CPNE4: variants seen among roughly 807,000 people sequenced by gnomAD.
CPNE4 encodes the protein copine-4.
In CPNE4, 25 loss-of-function variants were observed where a neutral mutation model predicts 67.9. That is an observed-to-expected ratio of 0.37 (90% CI 0.27 to 0.51). The LOEUF (loss-of-function observed/expected upper bound fraction) is 0.51, where lower values mean the gene tolerates loss of function less well. Ranked by LOEUF, CPNE4 falls within the 20% of genes least tolerant of loss-of-function variation. The probability of loss-of-function intolerance (pLI) is 0.93; values close to 1 mark genes in which losing one functional copy is unlikely to be tolerated. For synonymous variants in CPNE4, 242 were observed against 244.9 expected, an observed-to-expected ratio of 0.99 and a Z score of 0.11; for missense variants, 464 against 690.8, an observed-to-expected ratio of 0.67 and a Z score of 3.68.
At chr3:131,599,245 A>C (rs1470559845) in intron 7 of CPNE4, among the ~76,000 whole-genome samples, 1 of 152,250 alleles carries the variant, frequency 6.6e-6, no homozygotes, top group Non-Finnish European at 1.5e-5. Context: ...AAATAATACC[A>C]AATATATATC....
chr3:131,557,472 A>G (rs1936521281), intron 11 of CPNE4, among the ~76,000 whole-genome samples: 1 of 152,058 alleles, frequency 6.6e-6, no homozygotes, highest in Non-Finnish European at 1.5e-5. Flanking sequence ...GATGGTTTTG[A>G]CAAAACTTTA....
intron 7 of CPNE4, among the ~76,000 whole-genome samples, chr3:131,653,746 G>C (rs1253018711): frequency 6.6e-6 from 1 of 152,164 alleles, no homozygotes; most frequent in Non-Finnish European, 1.5e-5. Context: ...CCAGGTCTTT[G>C]CACATGCGTT....
intron 2 of CPNE4, among the ~76,000 whole-genome samples, chr3:131,831,895 C>T (rs1182811023): frequency 6.6e-6 from 1 of 152,108 alleles, no homozygotes; most frequent in Non-Finnish European, 1.5e-5. Context: ...TAAAATAGAG[C>T]AAATAGTGCC....
chr3:131,818,233 A>T (rs2084824161), intron 2 of CPNE4, among the ~76,000 whole-genome samples: 1 of 152,168 alleles, frequency 6.6e-6, no homozygotes. Flanking sequence ...CCCTCAACAC[A>T]TGCTTGGGTA....
At chr3:131,665,725 G>C (rs1228672915) in intron 7 of CPNE4, among the ~76,000 whole-genome samples, 3 of 151,642 alleles carry the variant, frequency 2.0e-5, no homozygotes, top group African/African-American at 7.3e-5. Flanking sequence ...AAAGTTAATG[G>C]GAAAATCACT....
intron 2 of CPNE4, among the ~76,000 whole-genome samples, chr3:131,869,884 C>T (rs1454518141): frequency 6.6e-6 from 1 of 151,938 alleles, no homozygotes; most frequent in Non-Finnish European, 1.5e-5. Context: ...ATACAATAGG[C>T]CTTTCTCTCA....
chr3:131,739,179 G>T (rs1033089184), intron 2 of CPNE4, among the ~76,000 whole-genome samples: 2 of 152,160 alleles, frequency 1.3e-5, no homozygotes, highest in African/African-American at 2.4e-5. Flanking sequence ...AAGCTCACCT[G>T]CAGAGCCAAA....
chr3:131,561,088 A>G (rs80108611), intron 11 of CPNE4, among the ~76,000 whole-genome samples: 4,175 of 152,134 alleles, frequency 0.027, 64 homozygotes, highest in Middle Eastern at 0.051. Context: ...TTGGTTTCTG[A>G]TATCTGTCTC....
rs527759224 is a variant in CPNE4 at position 131,963,660 on chromosome 3, G to A, written c.-1-58216C>T. ...AAAACTCACCGCAGGGCAGCGAAGC[G>A]GCTGTGGCCAGGCTGCCTCTCTAGA... On this transcript the variant is annotated intron_variant, in intron 1 of 15. Coordinates refer to ENST00000429747, the MANE Select transcript of CPNE4 (RefSeq NM_130808.3). 1.1e-4 allele frequency among the ~76,000 whole-genome samples: 16 copies of A among 152,284 alleles called. No individual in the cohort carries two copies. The East Asian group carries it at 2.1e-3, about 20-fold the overall frequency.
At chr3:131,913,478 G>C (rs559948142) in intron 1 of CPNE4, among the ~76,000 whole-genome samples, 4 of 152,244 alleles carry the variant, frequency 2.6e-5, no homozygotes, top group African/African-American at 9.6e-5. Flanking sequence ...TGTGCATGTG[G>C]ACAACCCACT....
intron 12 of CPNE4, 114 bp from the exon 13 acceptor site, chr3:131,552,605 G>T: frequency 1.4e-6 from 1 of 739,516 alleles, no homozygotes; most frequent in Non-Finnish European, 2.3e-6. Context: ...TATTCATTAT[G>T]TGTTAAGCAG....
At chr3:131,864,640 T>G (rs199906115) in intron 2 of CPNE4, among the ~76,000 whole-genome samples, 10,539 of 150,486 alleles carry the variant, frequency 0.07, 497 homozygotes, top group East Asian at 0.15. Context: ...TATACAGTCA[T>G]GCCATCTGCA....
At chr3:132,020,394 T>C (rs2107688324) in intron 1 of CPNE4, among the ~76,000 whole-genome samples, 1 of 152,274 alleles carries the variant, frequency 6.6e-6, no homozygotes, top group African/African-American at 2.4e-5. Context: ...CGTGCCTCCC[T>C]CTAAAATGTC....
intron 7 of CPNE4, among the ~76,000 whole-genome samples, chr3:131,653,777 T>C (rs1251945768): frequency 6.6e-6 from 1 of 152,230 alleles, no homozygotes; most frequent in Non-Finnish European, 1.5e-5. Context: ...GCTTAGACAC[T>C]TGAAGTAGGA....
chr3:131,956,569 T>TAAA (rs2071978947), intron 1 of CPNE4, among the ~76,000 whole-genome samples: 1 of 135,486 alleles, frequency 7.4e-6, no homozygotes, highest in South Asian at 2.4e-4. Flanking sequence ...GCTGAAATTA[T>TAAA]CATAAATGTA....
intron 2 of CPNE4, among the ~76,000 whole-genome samples, chr3:131,752,008 A>G (rs539499396): frequency 3.3e-5 from 5 of 152,082 alleles, no homozygotes; most frequent in African/African-American, 9.6e-5. Flanking sequence ...CAATGGTTAA[A>G]GTCCTGACTC....
chr3:131,640,264 A>G (rs184279165), intron 7 of CPNE4, among the ~76,000 whole-genome samples: 1 of 152,286 alleles, frequency 6.6e-6, no homozygotes, highest in East Asian at 1.9e-4. Context: ...GAAACCCTAT[A>G]GATGCATCCA....
At chr3:131,655,574 C>T (rs144075264) in intron 7 of CPNE4, among the ~76,000 whole-genome samples, 46 of 152,026 alleles carry the variant, frequency 3.0e-4, no homozygotes, top group South Asian at 1.0e-3. Context: ...TTTTAAATAC[C>T]GGTGCAATAA....
intron 3 of CPNE4, among the ~76,000 whole-genome samples, chr3:131,716,192 AGTGAG>A (rs1242471345): frequency 2.0e-5 from 3 of 152,074 alleles, no homozygotes; most frequent in Non-Finnish European, 4.4e-5. Context: ...CACAAGGCTG[AGTGAG>A]AATGTGGCAA....
Sources: allele counts gnomAD v4.1 joint callset (sites outside exome capture counted in the v4.1 genomes callset), GRCh38; gene constraint gnomAD v4.1.1; transcripts MANE v1.5; gene names NCBI Gene and HGNC (gene_info 2026-07-23, HGNC 2026-07-21).